The following PLCXD2 variants were observed in gnomAD, a reference collection of about 807,000 sequenced individuals.
PLCXD2 encodes PI-PLC X domain-containing protein 2.
A neutral mutation model predicts 28.6 loss-of-function variants in PLCXD2; 21 were observed. The ratio of observed to expected loss-of-function variants is 0.73; its 90% CI spans 0.52 to 1.06. PLCXD2 has a LOEUF of 1.06. Among genes scored for constraint, PLCXD2 ranks in the 50% least tolerant of loss-of-function variants. PLCXD2 has a pLI of 0.00. For synonymous variants in PLCXD2, 140 were observed against 150.1 expected (o/e 0.93, Z 0.49); for missense variants, 369 against 376.7 (o/e 0.98, Z 0.17).
At chr3:111,720,608 C>T (rs1184443905) in intron 3 of PLCXD2, 115 bp from the exon 4 acceptor site, 2 of 409,690 alleles carry the variant, frequency 4.9e-6, no homozygotes, top group Non-Finnish European at 8.9e-6. Context: ...AAAGCTTGTG[C>T]TCTTATTAAC....
Position 111,675,142 on chromosome 3 carries a change from C to G in PLCXD2, c.-104C>G, listed in dbSNP as rs371833459. On this transcript the variant is annotated 5_prime_UTR_variant, in exon 1 of 5. Coordinates refer to ENST00000477665, the MANE Select transcript of PLCXD2 (RefSeq NM_001185106.1). ...CAGCCAGAAAGGCATTTTGGAAAGA[C>G]TGGCGTGGCAAGCGTCGCCCTGAAA... 3.0e-5 allele frequency: 42 copies of G among 1,386,412 alleles called. No homozygotes were observed. The East Asian group carries it at 7.6e-4, about 25-fold the overall frequency. 85.9% of individuals were successfully genotyped at this position (1,386,412 alleles called of 1,614,324 possible). A position where few individuals can be genotyped will look rare whatever the true frequency, so the allele number is the denominator to read the frequency against.
intron 1 of PLCXD2, chr3:111,677,376 C>A (rs1396392968): frequency 6.6e-6 from 1 of 152,184 alleles, no homozygotes; most frequent in Non-Finnish European, 1.5e-5. Flanking sequence ...CAAGTTCTAC[C>A]AGTCCTTGCT....
Position 111,675,362 on chromosome 3 carries a change from C to T in PLCXD2, c.117C>T (p.Leu39=). 1.9e-6 allele frequency: 3 copies of T among 1,613,960 alleles called. No individual in the cohort carries two copies. The highest frequency in any genetic ancestry group is 1.3e-5 in the African/African-American group (1 of 75,022). Reference sequence around the variant, plus strand: ...GCAATGCCGACTGGATGGCCTCGCTCCCCCCTCACCTCCACAACCTCCCCC... The same window carrying T: ...GCAATGCCGACTGGATGGCCTCGCTTCCCCCTCACCTCCACAACCTCCCCC... Residue 39 remains leucine, a synonymous_variant, in exon 1 of 5, where the codon CTC becomes CTT. Coordinates refer to ENST00000477665, the MANE Select transcript of PLCXD2 (RefSeq NM_001185106.1).
chr3:111,702,562 A>G (rs186104693), intron 1 of PLCXD2, among the ~76,000 whole-genome samples: 33 of 152,334 alleles, frequency 2.2e-4, no homozygotes, highest in Middle Eastern at 3.4e-3. Context: ...AGGTGAGTGA[A>G]GATGCATAGG....
At chr3:111,718,847 G>A (rs1217376030) in intron 3 of PLCXD2, among the ~76,000 whole-genome samples, 2 of 152,148 alleles carry the variant, frequency 1.3e-5, no homozygotes, top group East Asian at 1.9e-4. Context: ...TCTCTATGCT[G>A]CCTGTGGTAG....
At chr3:111,686,743 G>T (rs1175903440) in intron 1 of PLCXD2, among the ~76,000 whole-genome samples, 1 of 152,166 alleles carries the variant, frequency 6.6e-6, no homozygotes, top group Non-Finnish European at 1.5e-5. Context: ...GATATTATTA[G>T]AATATAATTT....
intron 3 of PLCXD2, chr3:111,726,998 T>C (rs1346467755): frequency 6.6e-6 from 1 of 152,240 alleles, no homozygotes; most frequent in African/African-American, 2.4e-5. Context: ...TATATAATAT[T>C]GGACAAAAAC....
At chr3:111,685,088 A>C (rs1468261381) in intron 1 of PLCXD2, among the ~76,000 whole-genome samples, 1 of 152,120 alleles carries the variant, frequency 6.6e-6, no homozygotes, top group Non-Finnish European at 1.5e-5. Context: ...ACATTTCAGA[A>C]TTGGGAGAAG....
At chr3:111,707,884 T>C (rs1941141687) in intron 1 of PLCXD2, 42 bp from the exon 2 acceptor site, 14 of 1,531,570 alleles carry the variant, frequency 9.1e-6, no homozygotes, top group Non-Finnish European at 1.2e-5. Context: ...TTTTCCCAGC[T>C]CCCGTCTCAT....
chr3:111,705,254 A>G (rs1229871573), intron 1 of PLCXD2, among the ~76,000 whole-genome samples: 1 of 152,202 alleles, frequency 6.6e-6, no homozygotes, highest in African/African-American at 2.4e-5. Context: ...ATGAGTGACA[A>G]TATGTAATAT....
chr3:111,714,182 G>C, intron 3 of PLCXD2, 54 bp downstream of exon 3: 1 of 1,566,486 alleles, frequency 6.4e-7, no homozygotes, highest in Non-Finnish European at 8.7e-7. Flanking sequence ...TATTTATCTT[G>C]ATTCTATTCT....
At chr3:111,686,293 A>T (rs537246442) in intron 1 of PLCXD2, among the ~76,000 whole-genome samples, 1 of 152,326 alleles carries the variant, frequency 6.6e-6, no homozygotes. Flanking sequence ...AGTGAGATGC[A>T]CCTTGGCTTC....
chr3:111,719,516 C>T (rs1167917964), intron 3 of PLCXD2, among the ~76,000 whole-genome samples: 1 of 152,160 alleles, frequency 6.6e-6, no homozygotes, highest in Non-Finnish European at 1.5e-5. Context: ...AAACTGGATA[C>T]ACAAACTGCA....
intron 1 of PLCXD2, among the ~76,000 whole-genome samples, chr3:111,690,424 A>G (rs1940857149): frequency 6.6e-6 from 1 of 152,154 alleles, no homozygotes; most frequent in Non-Finnish European, 1.5e-5. Context: ...GACTCAGAAC[A>G]AAAGCAGCCC....
At chr3:111,685,002 G>A (rs185226639) in intron 1 of PLCXD2, among the ~76,000 whole-genome samples, 4 of 152,288 alleles carry the variant, frequency 2.6e-5, no homozygotes, top group Non-Finnish European at 4.4e-5. Context: ...GGATAAAGGA[G>A]AAGGAGCAGG....
intron 3 of PLCXD2, among the ~76,000 whole-genome samples, chr3:111,714,832 GTGTATA>G (rs1266592518): frequency 2.6e-5 from 4 of 152,292 alleles, no homozygotes; most frequent in African/African-American, 7.2e-5. Context: ...ACATGTGTAT[GTGTATA>G]TGTATATGTA....
At chr3:111,690,477 C>T (rs906697274) in intron 1 of PLCXD2, among the ~76,000 whole-genome samples, 5 of 152,084 alleles carry the variant, frequency 3.3e-5, no homozygotes, top group Non-Finnish European at 5.9e-5. Context: ...AGCAAGGCTC[C>T]GGCACAGAAA....
At chr3:111,679,152 G>C (rs1940673146) in intron 1 of PLCXD2, among the ~76,000 whole-genome samples, 2 of 152,270 alleles carry the variant, frequency 1.3e-5, no homozygotes, top group South Asian at 4.1e-4. Flanking sequence ...ACACAGAATG[G>C]AAAGATTAAT....
chr3:111,692,688 G>A lies in PLCXD2; in HGVS notation c.164-15238G>A, dbSNP rs182199578. On this transcript the variant is annotated intron_variant, in intron 1 of 4. Coordinates refer to ENST00000477665, the MANE Select transcript of PLCXD2 (RefSeq NM_001185106.1). Reference sequence around the variant, plus strand: ...ATTAAAATCAATTAACAACAGAGGTGAAAAACAATAGCTGGATGAATTCAT... The same window carrying A: ...ATTAAAATCAATTAACAACAGAGGTAAAAAACAATAGCTGGATGAATTCAT... Among the ~76,000 whole-genome samples, 11 of 152,282 alleles carry A rather than the reference G, an allele frequency of 7.2e-5. 1 individual carries two copies. In the East Asian group the frequency reaches 2.1e-3, roughly 29 times the overall value.
Sources: allele counts gnomAD v4.1 joint callset (sites outside exome capture counted in the v4.1 genomes callset), GRCh38; gene constraint gnomAD v4.1.1; transcripts MANE v1.5; gene names NCBI Gene and HGNC (gene_info 2026-07-23, HGNC 2026-07-21).